The following DMD variants were observed in gnomAD, a reference collection of about 807,000 sequenced individuals.
The protein encoded by DMD is mutant dystrophin.
DMD carries 63 observed loss-of-function variants against 330.1 expected under a neutral mutation model. That is an observed-to-expected ratio of 0.19 (90% CI 0.16 to 0.24). The LOEUF (loss-of-function observed/expected upper bound fraction) is 0.24, where lower values mean the gene tolerates loss of function less well. DMD is among the 10% of genes least tolerant of loss of function. DMD has a pLI of 1.00. For synonymous variants in DMD, 1,223 were observed against 959.8 expected, an observed-to-expected ratio of 1.27 and a Z score of -5.07; for missense variants, 3,344 against 2,684.1, an observed-to-expected ratio of 1.25 and a Z score of -5.43.
intron 44 of DMD, among the ~76,000 whole-genome samples, chrX:32,022,983 C>T (rs1325651684): frequency 1.8e-5 from 2 of 109,778 alleles, no homozygotes; most frequent in Non-Finnish European, 3.8e-5. Context: ...CAGGTGCGTG[C>T]CACCACGCCC....
rs192746874 is a variant in DMD, at chrX:32,246,728, T to C, written c.6291-29665A>G. Among the ~76,000 whole-genome samples the C allele has an allele frequency of 8.7e-3, 931 of 107,110 alleles. 10 individuals carry two copies. Among genetic ancestry groups the C allele is most frequent in the African/African-American group, 0.031 (899 of 29,344 alleles). The allele number at this position is 107,110 out of a possible 115,157, so 93.0% of individuals were successfully genotyped here. A position where few individuals can be genotyped will look rare whatever the true frequency, so the allele number is the denominator to read the frequency against. ...TGTCGAGGAATGTATCCATTTCTTC[T>C]AGATTTTCTAGTTTATTTGTGTAGA... is the stretch of plus-strand genomic sequence containing the variant. On this transcript the variant is annotated intron_variant, in intron 43 of 78. Coordinates refer to ENST00000357033, the MANE Select transcript of DMD (RefSeq NM_004006.3).
At chrX:33,322,736 T>C (rs1445360207) in intron 1 of DMD, among the ~76,000 whole-genome samples, 1 of 111,772 alleles carries the variant, frequency 8.9e-6, no homozygotes, top group Non-Finnish European at 1.9e-5. Context: ...AGCAGAGATA[T>C]AAATAGCTTT....
At chrX:32,610,161 A>AT (rs915556108) in intron 12 of DMD, among the ~76,000 whole-genome samples, 1 of 110,847 alleles carries the variant, frequency 9.0e-6, no homozygotes, top group African/African-American at 3.3e-5. Context: ...TATGTGATAT[A>AT]TTTTTTCACA....
At chrX:32,528,866 C>A (rs1279435261) in intron 17 of DMD, among the ~76,000 whole-genome samples, 1 of 103,296 alleles carries the variant, frequency 9.7e-6, no homozygotes, top group Non-Finnish European at 2.0e-5. Context: ...CCCACCCCCA[C>A]CCAGTTGTCC....
At chrX:31,783,844 A>T (rs2091154268) in intron 50 of DMD, among the ~76,000 whole-genome samples, 1 of 111,662 alleles carries the variant, frequency 9.0e-6, no homozygotes, top group Non-Finnish European at 1.9e-5. Flanking sequence ...TGTAAATGCG[A>T]CAATATTAAA....
chrX:32,203,647 C>A (rs2097050840), intron 44 of DMD, among the ~76,000 whole-genome samples: 1 of 111,925 alleles, frequency 8.9e-6, no homozygotes, highest in Admixed American at 9.5e-5. Flanking sequence ...TCAGCCCTTG[C>A]CATACACAAT....
At chrX:32,448,325 A>G (rs1273917713) in intron 27 of DMD, 131 bp downstream of exon 27, 1 of 694,663 alleles carries the variant, frequency 1.4e-6, no homozygotes, top group Non-Finnish European at 2.2e-6. Context: ...AAGTCATACA[A>G]CTTATAAGTG....
Position 32,773,200 on chromosome X carries a change from T to A in DMD, c.649+36293A>T, listed in dbSNP as rs752376864. Among the ~76,000 whole-genome samples, 3 of 112,077 alleles carry A rather than the reference T, an allele frequency of 2.7e-5. No individual in the cohort carries two copies. In the East Asian group the frequency reaches 8.4e-4, roughly 32 times the overall value. On this transcript the variant is annotated intron_variant, in intron 7 of 78. Coordinates refer to ENST00000357033, the MANE Select transcript of DMD (RefSeq NM_004006.3). ...TTCATAAACTAAAAGTAGAGCTGAC[T>A]GAAAGCCTGGTATTTATAGCTAGCG...
chrX:31,672,526 G>A (rs1309445440), intron 53 of DMD, among the ~76,000 whole-genome samples: 1 of 111,684 alleles, frequency 9.0e-6, no homozygotes, highest in Non-Finnish European at 1.9e-5. Flanking sequence ...TATTTTTGTT[G>A]AATTACCTAA....
intron 44 of DMD, among the ~76,000 whole-genome samples, chrX:32,012,667 G>A (rs756367030): frequency 8.9e-6 from 1 of 111,761 alleles, no homozygotes; most frequent in Non-Finnish European, 1.9e-5. Context: ...TGTAGTGGAG[G>A]CAGTTACGAA....
intron 44 of DMD, among the ~76,000 whole-genome samples, chrX:32,088,976 A>T (rs1309640491): frequency 1.1e-4 from 12 of 112,000 alleles, no homozygotes; most frequent in Non-Finnish European, 1.9e-4. Context: ...AGGCTGAAAC[A>T]TGAACTGAAA....
intron 1 of DMD, among the ~76,000 whole-genome samples, chrX:33,198,953 TA>T (rs373235770): frequency 1.2e-3 from 109 of 92,948 alleles, no homozygotes; most frequent in Admixed American, 1.9e-3. Flanking sequence ...GTACTGTAGA[TA>T]AAAAAAAAAA....
intron 17 of DMD, among the ~76,000 whole-genome samples, chrX:32,527,754 T>C (rs1324047081): frequency 9.0e-6 from 1 of 111,304 alleles, no homozygotes; most frequent in African/African-American, 3.3e-5. Flanking sequence ...AATTACAGAA[T>C]ATTATTAAAG....
intron 40 of DMD, chrX:32,342,673 A>G: frequency 3.8e-6 from 1 of 265,730 alleles, no homozygotes; most frequent in Non-Finnish European, 6.7e-6. Flanking sequence ...GGTTTGAGGA[A>G]CTCAACAGAG....
intron 43 of DMD, among the ~76,000 whole-genome samples, chrX:32,262,332 G>C (rs768539428): frequency 9.0e-6 from 1 of 111,524 alleles, no homozygotes; most frequent in East Asian, 2.8e-4. Context: ...GTCAGCATCA[G>C]TGGTAACCTG....
chrX:31,377,278 G>T lies in DMD; in HGVS notation c.9085-28644C>A, dbSNP rs963362284. 7.2e-5 allele frequency among the ~76,000 whole-genome samples: 8 copies of T among 111,796 alleles called. No individual in the cohort carries two copies. The East Asian group carries it at 1.4e-3, about 20-fold the overall frequency. ...CCAAAGCATACATATAGACAGAAAG[G>T]CAGAGGTTATGGGAAGATCAACTTC... On this transcript the variant is annotated intron_variant, in intron 60 of 78. Transcript: ENST00000357033.
intron 2 of DMD, among the ~76,000 whole-genome samples, chrX:32,988,934 A>AATAC (rs1396927304): frequency 8.9e-6 from 1 of 111,949 alleles, no homozygotes; most frequent in Non-Finnish European, 1.9e-5. Flanking sequence ...GTATGAAAAA[A>AATAC]ATACATAAGA....
chrX:32,386,439 C>A lies in DMD; in HGVS notation c.4545G>T (p.Val1515=). 8.3e-7 allele frequency: 1 copy of A among 1,206,735 alleles called. No individual in the cohort carries two copies. Among genetic ancestry groups the A allele is most frequent in the Non-Finnish European group, 1.1e-6 (1 of 891,752 alleles). ...CVNLYKSLSE[V]KSEVEMVIKT... ...TTATCACCATTTCCACTTCAGACTTCACTTCACTCAGACTTTTATACAAGT... is the reference window on the plus strand; with the variant it reads ...TTATCACCATTTCCACTTCAGACTTAACTTCACTCAGACTTTTATACAAGT... Residue 1515 remains valine (V), a synonymous_variant, in exon 33 of 79, where the codon GTG becomes GTT. Transcript: ENST00000357033.
At chrX:33,185,149 A>G (rs781136314) in intron 1 of DMD, among the ~76,000 whole-genome samples, 1 of 111,519 alleles carries the variant, frequency 9.0e-6, no homozygotes, top group South Asian at 3.7e-4. Flanking sequence ...TCTCAGGCCA[A>G]TAATTAAAAA....
Sources: gnomAD v4.1 joint callset for allele counts (sites outside exome capture counted in the v4.1 genomes callset) on GRCh38, gnomAD v4.1.1 for gene constraint, MANE v1.5 for transcripts, NCBI Gene and HGNC (gene_info 2026-07-23, HGNC 2026-07-21) for gene names.